ADGRV1: variants seen among roughly 807,000 people sequenced by gnomAD.
The protein encoded by ADGRV1 is adhesion G protein-coupled receptor V1.
Under a neutral mutation model 596.2 loss-of-function variants are expected in ADGRV1, and 359 were observed. That is an observed-to-expected ratio of 0.60 (90% CI 0.55 to 0.66). ADGRV1 has a LOEUF of 0.66. ADGRV1 is among the 30% of genes least tolerant of loss of function. The pLI is 0.00. For missense variants in ADGRV1, 7,274 were observed against 7,575.6 expected (o/e 0.96, Z 1.48); for synonymous variants, 2,681 against 2,679.2 (o/e 1.00, Z -0.02).
At chr5:90,960,256 A>T (rs1581636564) in intron 83 of ADGRV1, among the ~76,000 whole-genome samples, 1 of 152,020 alleles carries the variant, frequency 6.6e-6, no homozygotes, top group East Asian at 1.9e-4. Flanking sequence ...GCATGGGTTC[A>T]TTATTTTCAT....
intron 87 of ADGRV1, among the ~76,000 whole-genome samples, chr5:91,147,353 A>C (rs1263922286): frequency 1.3e-5 from 2 of 152,152 alleles, no homozygotes; most frequent in African/African-American, 4.8e-5. Context: ...AAAATCAACA[A>C]TGCTTTCAAC....
At chr5:90,779,281 A>G in intron 64 of ADGRV1, 184 bp downstream of exon 64, 1 of 416,862 alleles carries the variant, frequency 2.4e-6, no homozygotes, top group Non-Finnish European at 4.3e-6. Context: ...TTTTTTTTTA[A>G]TTTTGTTAAA....
chr5:91,081,152 G>C (rs961297388), intron 86 of ADGRV1, among the ~76,000 whole-genome samples: 2 of 152,134 alleles, frequency 1.3e-5, no homozygotes, highest in African/African-American at 4.8e-5. Context: ...TCATGGATGA[G>C]AGAGAACCCT....
At chr5:90,826,712 A>G (rs1193948223) in intron 76 of ADGRV1, among the ~76,000 whole-genome samples, 1 of 152,196 alleles carries the variant, frequency 6.6e-6, no homozygotes, top group South Asian at 2.1e-4. Flanking sequence ...AGAGTTACAG[A>G]TATTGCAGAC....
At position 90,692,764 on chromosome 5, in the gene ADGRV1, G is replaced by A; in HGVS notation, c.7111G>A (p.Ala2371Thr). ...AGAGCCTCTGGAAAGAAGTTCCTGT[G>A]CTAATATAACTGTCAGGCGAAGGTA... is the stretch of plus-strand genomic sequence containing the variant. ...VQEPLERSSC[A>T]NITVRRSGGH... is the part of the protein sequence containing the mutation. Residue 2371 changes from alanine to threonine, a missense_variant, in exon 32 of 90, where the codon GCT becomes ACT. Ala to Thr is a moderately conservative substitution (Grantham distance 58). Transcript: ENST00000405460. The A allele has an allele frequency of 6.2e-7, 1 of 1,601,324 alleles. No homozygotes were observed. Among genetic ancestry groups the A allele is most frequent in the Non-Finnish European group, 8.5e-7 (1 of 1,173,842 alleles).
intron 25 of ADGRV1, among the ~76,000 whole-genome samples, chr5:90,678,821 C>A (rs7716829): frequency 0.34 from 51,150 of 151,360 alleles, 8,936 homozygotes; most frequent in Admixed American, 0.48. Context: ...ATTCTCAACA[C>A]GGTTGCATTT....
intron 21 of ADGRV1, among the ~76,000 whole-genome samples, chr5:90,665,319 A>C (rs555146209): frequency 6.6e-6 from 1 of 151,930 alleles, no homozygotes; most frequent in African/African-American, 2.4e-5. Context: ...CAGAGATTCA[A>C]CTTCTTCCTG....
At chr5:90,622,315 A>C (rs1173370259) in intron 4 of ADGRV1, among the ~76,000 whole-genome samples, 1 of 152,160 alleles carries the variant, frequency 6.6e-6, no homozygotes, top group African/African-American at 2.4e-5. Context: ...TCAACTAAAA[A>C]ACCTTTAAAT....
At chr5:90,987,469 CAAA>C (rs11442398) in intron 85 of ADGRV1, among the ~76,000 whole-genome samples, 4 of 94,950 alleles carry the variant, frequency 4.2e-5, no homozygotes, top group Non-Finnish European at 4.3e-5. Flanking sequence ...GACTCTGACT[CAAA>C]AAAAAAAAAA....
At chr5:90,950,288 G>A (rs930139562) in intron 83 of ADGRV1, among the ~76,000 whole-genome samples, 12 of 151,992 alleles carry the variant, frequency 7.9e-5, no homozygotes, top group African/African-American at 2.9e-4. Flanking sequence ...AAATAATAGT[G>A]GAAAGGGGTA....
chr5:90,701,587 T>A (rs965344633), intron 34 of ADGRV1, among the ~76,000 whole-genome samples: 2 of 152,054 alleles, frequency 1.3e-5, no homozygotes, highest in African/African-American at 4.8e-5. Flanking sequence ...TGCGTGTGTG[T>A]GCGCATGTGT....
rs957180907 is a variant in ADGRV1 at position 90,775,042 on chromosome 5, T to C, written c.12403+739T>C. On this transcript the variant is annotated intron_variant, in intron 60 of 89. Transcript: ENST00000405460. Reference sequence around the variant, plus strand: ...CCTCCAGTTGATATGATGATTTGTTTTTTGGATCCATAGAGAAAAGAGTAA... The same window carrying C: ...CCTCCAGTTGATATGATGATTTGTTCTTTGGATCCATAGAGAAAAGAGTAA... 2.0e-5 allele frequency among the ~76,000 whole-genome samples: 3 copies of C among 152,180 alleles called. No homozygotes were observed. The East Asian group carries it at 5.8e-4, about 29-fold the overall frequency.
intron 86 of ADGRV1, among the ~76,000 whole-genome samples, chr5:91,081,290 T>TG (rs35823568): frequency 6.6e-6 from 1 of 152,082 alleles, no homozygotes; most frequent in Non-Finnish European, 1.5e-5. Flanking sequence ...CATACAAATT[T>TG]GGGGGATGGA....
In ADGRV1 at chr5:90,712,304, TG is replaced by T; in HGVS notation, c.9062del (p.Gly3021GlufsTer10). ...TTGACCAGATTCTTCATTTTGCTGA[TG>T]GAGAAAGGTATAAAAATGTCAATAT... ...FTPMILHFAD[G>X]ERYKNVNIMI... is the part of the protein sequence containing the mutation. On this transcript the variant is annotated frameshift_variant, in exon 42 of 90. Transcript: ENST00000405460. LOFTEE classifies it high-confidence loss of function. 2.6e-6 allele frequency: 4 copies of T among 1,540,828 alleles called. No homozygotes were observed. Among genetic ancestry groups the T allele is most frequent in the Non-Finnish European group, 3.5e-6 (4 of 1,139,236 alleles).
At chr5:91,055,249 A>AAT (rs151160703) in intron 85 of ADGRV1, among the ~76,000 whole-genome samples, 4,607 of 147,042 alleles carry the variant, frequency 0.031, 88 homozygotes, top group Middle Eastern at 0.062. Flanking sequence ...TGCTGTTGCA[A>AAT]ATATATATAT....
At chr5:90,564,753 A>T (rs1200870260) in intron 1 of ADGRV1, among the ~76,000 whole-genome samples, 20 of 87,126 alleles carry the variant, frequency 2.3e-4, no homozygotes, top group African/African-American at 1.1e-3. Flanking sequence ...CAGCCTCCCG[A>T]GTAGCTGGGA....
chr5:90,817,169 T>C (rs1375642049), intron 75 of ADGRV1, among the ~76,000 whole-genome samples: 47 of 151,766 alleles, frequency 3.1e-4, no homozygotes, highest in African/African-American at 1.0e-3. Context: ...CCAGTGATGA[T>C]GAGCATTTTT....
chr5:91,025,414 A>G (rs970590342), intron 85 of ADGRV1, among the ~76,000 whole-genome samples: 3 of 152,150 alleles, frequency 2.0e-5, no homozygotes, highest in East Asian at 1.9e-4. Context: ...AAATAGATGC[A>G]TAACTACTAC....
chr5:90,603,740 C>G (rs987132171), intron 1 of ADGRV1, among the ~76,000 whole-genome samples: 4 of 151,760 alleles, frequency 2.6e-5, no homozygotes, highest in Admixed American at 1.3e-4. Context: ...GAGGCACTTG[C>G]AGTGTCCAGC....
Sources: gnomAD v4.1 joint callset for allele counts (sites outside exome capture counted in the v4.1 genomes callset) on GRCh38, gnomAD v4.1.1 for gene constraint, MANE v1.5 for transcripts, NCBI Gene and HGNC (gene_info 2026-07-23, HGNC 2026-07-21) for gene names.